Variants in BACE2 observed in about 807,000 individuals in gnomAD.
The protein encoded by BACE2 is 56 kDa aspartic-like protease.
In BACE2, 17 loss-of-function variants were observed where a neutral mutation model predicts 46.2. The observed-to-expected ratio is 0.37, with a 90% CI of 0.25 to 0.55. BACE2 has a LOEUF of 0.55. BACE2 is among the 20% of genes least tolerant of loss of function. The pLI is 0.82. For synonymous variants in BACE2, 277 were observed against 295.9 expected (o/e 0.94, Z 0.66); for missense variants, 595 against 698.1 (o/e 0.85, Z 1.66).
chr21:41,218,437 A>G (rs994702015), intron 1 of BACE2, among the ~76,000 whole-genome samples: 2 of 152,188 alleles, frequency 1.3e-5, no homozygotes, highest in African/African-American at 2.4e-5. Context: ...ATGGTGTCCA[A>G]CTTTGGGTGG....
intron 1 of BACE2, chr21:41,183,502 G>A (rs1437910526): frequency 6.0e-6 from 1 of 166,426 alleles, no homozygotes; most frequent in Non-Finnish European, 1.5e-5. Flanking sequence ...CCATCTACCT[G>A]GCCAAATTTT....
At chr21:41,168,790 GGGGT>G (rs1472070652) in intron 1 of BACE2, among the ~76,000 whole-genome samples, 1 of 152,114 alleles carries the variant, frequency 6.6e-6, no homozygotes, top group Non-Finnish European at 1.5e-5. Flanking sequence ...GGCGCACTGA[GGGGT>G]GTGCGCGAGT....
chr21:41,246,185 T>A, intron 6 of BACE2, 122 bp downstream of exon 6: 1 of 564,996 alleles, frequency 1.8e-6, no homozygotes, highest in Middle Eastern at 3.0e-4. Context: ...ATTTTCATAT[T>A]GTGTATTTGT....
At chr21:41,242,076 C>T (rs1294077491) in intron 4 of BACE2, 129 bp downstream of exon 4, 5 of 1,223,958 alleles carry the variant, frequency 4.1e-6, no homozygotes, top group Non-Finnish European at 5.7e-6. Context: ...AACTTTCATC[C>T]TCCTTGTAGT....
intron 8 of BACE2, among the ~76,000 whole-genome samples, chr21:41,264,338 T>C (rs1988015325): frequency 1.3e-5 from 2 of 151,958 alleles, no homozygotes; most frequent in Admixed American, 1.3e-4. Context: ...ATCCCAGAAC[T>C]TTAGGAGGCC....
At chr21:41,244,336 G>A (rs1407046851) in intron 5 of BACE2, among the ~76,000 whole-genome samples, 3 of 152,142 alleles carry the variant, frequency 2.0e-5, no homozygotes, top group East Asian at 3.8e-4. Flanking sequence ...TTTCACCTGG[G>A]TGCAGGTGGG....
At chr21:41,179,846 G>A in intron 1 of BACE2, 1 of 405,184 alleles carries the variant, frequency 2.5e-6, no homozygotes, top group South Asian at 2.0e-5. Context: ...CTGACACATG[G>A]ATGTAAGTGT....
intron 7 of BACE2, 119 bp downstream of exon 7, chr21:41,251,020 C>CA (rs2123618072): frequency 9.5e-7 from 1 of 1,051,636 alleles, no homozygotes; most frequent in African/African-American, 1.6e-5. Context: ...AATAATGCTG[C>CA]AAAAGACAGC....
At chr21:41,229,448 A>C (rs1422123587) in intron 2 of BACE2, among the ~76,000 whole-genome samples, 1 of 152,200 alleles carries the variant, frequency 6.6e-6, no homozygotes, top group Non-Finnish European at 1.5e-5. Flanking sequence ...AGCCCTGTGG[A>C]TGGCTACTTT....
At chr21:41,209,298 C>G (rs191273440) in intron 1 of BACE2, among the ~76,000 whole-genome samples, 1 of 152,206 alleles carries the variant, frequency 6.6e-6, no homozygotes, top group Non-Finnish European at 1.5e-5. Context: ...TCCACTCGCC[C>G]GAGCCGGGCT....
chr21:41,203,419 T>C (rs1037273544), intron 1 of BACE2, among the ~76,000 whole-genome samples: 1 of 151,996 alleles, frequency 6.6e-6, no homozygotes, highest in Non-Finnish European at 1.5e-5. Flanking sequence ...GCTTGTGTGC[T>C]GGAGGAACCC....
At chr21:41,191,719 C>T (rs1985575285) in intron 1 of BACE2, among the ~76,000 whole-genome samples, 1 of 152,174 alleles carries the variant, frequency 6.6e-6, no homozygotes, top group African/African-American at 2.4e-5. Context: ...TCCCTGCTAC[C>T]ATGGCCACTT....
intron 3 of BACE2, among the ~76,000 whole-genome samples, chr21:41,239,890 G>A (rs1568882033): frequency 1.3e-5 from 2 of 152,236 alleles, no homozygotes; most frequent in Non-Finnish European, 2.9e-5. Context: ...AATGAAAGAT[G>A]TATATGACTG....
At chr21:41,238,081 C>T (rs17000715) in intron 3 of BACE2, among the ~76,000 whole-genome samples, 1,569 of 152,338 alleles carry the variant, frequency 0.01, 9 homozygotes, top group Middle Eastern at 0.017. Flanking sequence ...TAAATTCATA[C>T]GTTTGCGTGA....
At chr21:41,199,837 C>T (rs749458821) in intron 1 of BACE2, among the ~76,000 whole-genome samples, 32 of 152,090 alleles carry the variant, frequency 2.1e-4, no homozygotes, top group Non-Finnish European at 2.2e-4. Flanking sequence ...CCTTGTGCCC[C>T]GCTCACACCT....
At position 41,281,739 on chromosome 21, in the gene BACE2, A is replaced by G. The variant is rs1239733046; in HGVS notation, c.*6115A>G. The stretch of plus-strand genomic sequence containing the variant: ...TAATCTATCATGAAAATTGCACAAA[A>G]TAACATTTCTTAACAAATTTAATAC... On this transcript the variant is annotated 3_prime_UTR_variant, in exon 9 of 9. Transcript: ENST00000330333. 6.6e-6 allele frequency: 1 copy of G among 152,262 alleles called. No homozygotes were observed. Among genetic ancestry groups the G allele is most frequent in the African/African-American group, 2.4e-5 (1 of 41,480 alleles). The allele number at this position is 152,262 out of a possible 1,614,324, so 9.4% of individuals were successfully genotyped here. A position where few individuals can be genotyped will look rare whatever the true frequency, so the allele number is the denominator to read the frequency against.
chr21:41,214,251 G>A (rs1330876258), intron 1 of BACE2, among the ~76,000 whole-genome samples: 1 of 152,226 alleles, frequency 6.6e-6, no homozygotes, highest in Non-Finnish European at 1.5e-5. Context: ...CGTGCATTCA[G>A]TCATTCTGCT....
chr21:41,271,351 T>C (rs573578298), intron 8 of BACE2, among the ~76,000 whole-genome samples: 1 of 152,218 alleles, frequency 6.6e-6, no homozygotes, highest in Admixed American at 6.5e-5. Flanking sequence ...GCCTGTGAGG[T>C]AAGAATAGTT....
intron 1 of BACE2, chr21:41,182,766 A>G (rs532772240): frequency 1.4e-4 from 23 of 167,224 alleles, no homozygotes; most frequent in Admixed American, 2.0e-4. Context: ...CATGTTCTAT[A>G]CTACCTCTTT....
Sources: gnomAD v4.1 joint callset for allele counts (sites outside exome capture counted in the v4.1 genomes callset) on GRCh38, gnomAD v4.1.1 for gene constraint, MANE v1.5 for transcripts, NCBI Gene and HGNC (gene_info 2026-07-23, HGNC 2026-07-21) for gene names.